Variants in CDC42 observed in about 807,000 individuals in gnomAD.
CDC42 encodes the protein cell division control protein 42 homolog.
In CDC42, 1 loss-of-function variant was observed where a neutral mutation model predicts 20.8. That is an observed-to-expected ratio of 0.05 (90% CI 0.02 to 0.23). The LOEUF is 0.23. Among genes scored for constraint, CDC42 ranks in the 10% least tolerant of loss-of-function variants. The pLI is 1.00. For synonymous variants in CDC42, 72 were observed against 84.8 expected (o/e 0.85, Z 0.83); for missense variants, 49 against 227.9 (o/e 0.21, Z 5.05).
At chr1:22,075,721 A>T (rs1039837336) in intron 1 of CDC42, among the ~76,000 whole-genome samples, 2 of 152,204 alleles carry the variant, frequency 1.3e-5, no homozygotes, top group African/African-American at 4.8e-5. Flanking sequence ...GAAAGGTAGT[A>T]CTGTTTTCAT....
Position 22,096,421 on chromosome 1 carries a change from A to G in CDC42, c.*4904A>G, listed in dbSNP as rs760258650. Among the ~76,000 whole-genome samples the G allele has an allele frequency of 9.9e-5, 15 of 152,184 alleles. No individual in the cohort carries two copies. Among genetic ancestry groups the G allele is most frequent in the Non-Finnish European group, 1.6e-4 (11 of 68,040 alleles). Reference sequence around the variant, plus strand: ...GATAGCTGCTTTCTCTTGAATAACTATGTCATCTCTTTCCACTTTGCATTG... The same window carrying G: ...GATAGCTGCTTTCTCTTGAATAACTGTGTCATCTCTTTCCACTTTGCATTG... On this transcript the variant is annotated 3_prime_UTR_variant, in exon 6 of 6. Coordinates refer to ENST00000656825, the MANE Select transcript of CDC42 (RefSeq NM_001791.4).
chr1:22,101,057 C>G lies in CDC42; in HGVS notation c.*9540C>G, dbSNP rs898773687. Reference sequence around the variant, plus strand: ...GCACCTGTGAATTCTTCACTGGCTTCTTGTAAGAATGACTTTACTGGAGGG... The same window carrying G: ...GCACCTGTGAATTCTTCACTGGCTTGTTGTAAGAATGACTTTACTGGAGGG... On this transcript the variant is annotated 3_prime_UTR_variant, in exon 6 of 6. Coordinates refer to ENST00000656825, the MANE Select transcript of CDC42 (RefSeq NM_001791.4). 5.9e-5 allele frequency: 9 copies of G among 152,324 alleles called. No homozygotes were observed. Among genetic ancestry groups the G allele is most frequent in the African/African-American group, 2.2e-4 (9 of 41,564 alleles). The allele number at this position is 152,324 out of a possible 1,614,324, so 9.4% of individuals were successfully genotyped here.
At chr1:22,057,929 G>A (rs911412521) in intron 1 of CDC42, among the ~76,000 whole-genome samples, 3 of 151,778 alleles carry the variant, frequency 2.0e-5, no homozygotes, top group Non-Finnish European at 4.4e-5. Flanking sequence ...GTTTCACCAT[G>A]TTGGTCAGGC....
At chr1:22,056,615 G>A (rs1451280125) in intron 1 of CDC42, among the ~76,000 whole-genome samples, 1 of 152,048 alleles carries the variant, frequency 6.6e-6, no homozygotes, top group Non-Finnish European at 1.5e-5. Flanking sequence ...TTCATTACTT[G>A]CCATTTCAGC....
At chr1:22,054,721 G>C (rs1024256357) in intron 1 of CDC42, among the ~76,000 whole-genome samples, 3 of 151,616 alleles carry the variant, frequency 2.0e-5, no homozygotes, top group Admixed American at 6.6e-5. Flanking sequence ...CATTGGATAG[G>C]TGTGGAACTT....
rs141153139 is a variant in CDC42 at position 22,097,295 on chromosome 1, C to T, written c.*5778C>T. On this transcript the variant is annotated 3_prime_UTR_variant, in exon 6 of 6. Coordinates refer to ENST00000656825, the MANE Select transcript of CDC42 (RefSeq NM_001791.4). ...TTTTCGAGACCAGATCTTACTCTGT[C>T]GCCCAGGCTGGAGTGCAGTGGCGTG... Among the ~76,000 whole-genome samples the T allele has an allele frequency of 2.4e-4, 36 of 152,292 alleles. No individual in the cohort carries two copies. The East Asian group carries it at 3.1e-3, about 13-fold the overall frequency.
chr1:22,091,325 C>G (rs1483190769), intron 5 of CDC42, 103 bp from the exon 6 acceptor site: 2 of 704,806 alleles, frequency 2.8e-6, no homozygotes, highest in Non-Finnish European at 4.9e-6. Context: ...TTTAATGTTT[C>G]TTTCTTTGCC....
intron 5 of CDC42, chr1:22,090,272 G>C (rs757083581): frequency 2.7e-5 from 32 of 1,190,002 alleles, no homozygotes; most frequent in Non-Finnish European, 3.2e-5. Flanking sequence ...CTGATGCTCA[G>C]AGCTTTTTGG....
intron 5 of CDC42, chr1:22,090,005 A>C: frequency 1.2e-6 from 2 of 1,614,038 alleles, no homozygotes; most frequent in South Asian, 2.2e-5. Context: ...CGGAAACTCA[A>C]CCCAAAAGGA....
intron 1 of CDC42, among the ~76,000 whole-genome samples, chr1:22,070,516 T>C (rs1645475179): frequency 7.3e-6 from 1 of 136,466 alleles, no homozygotes; most frequent in Non-Finnish European, 1.5e-5. Flanking sequence ...CAGGCTGGAG[T>C]GCAGTGGCAT....
chr1:22,091,186 A>G (rs1361704440), intron 5 of CDC42, among the ~76,000 whole-genome samples: 3 of 152,164 alleles, frequency 2.0e-5, no homozygotes, highest in African/African-American at 7.2e-5. Context: ...GGTCTGCGCA[A>G]AGCTTTCTCA....
chr1:22,089,912 G>A (rs1182797958), intron 5 of CDC42: 2 of 1,608,314 alleles, frequency 1.2e-6, no homozygotes, highest in East Asian at 4.5e-5. Context: ...TAACCTGGCT[G>A]CTATTCTCTC....
At chr1:22,053,906 A>G (rs779269176) in intron 1 of CDC42, among the ~76,000 whole-genome samples, 25 of 152,214 alleles carry the variant, frequency 1.6e-4, no homozygotes, top group Non-Finnish European at 3.2e-4. Context: ...CTTGCGTGGC[A>G]TTAACTTTAA....
chr1:22,058,788 C>T lies in CDC42; in HGVS notation c.-51+6046C>T, dbSNP rs182694589. Among the ~76,000 whole-genome samples the T allele has an allele frequency of 5.1e-4, 77 of 151,684 alleles. 2 individuals carry two copies. The highest frequency in any genetic ancestry group is 8.2e-4 in the Non-Finnish European group (56 of 67,902). Reference sequence around the variant, plus strand: ...TGCTGGGATTACAGGCGTGAACCACCGCACCCAGCCGAATTACGTATTTTT... The same window carrying T: ...TGCTGGGATTACAGGCGTGAACCACTGCACCCAGCCGAATTACGTATTTTT... On this transcript the variant is annotated intron_variant, in intron 1 of 5. Coordinates refer to ENST00000656825, the MANE Select transcript of CDC42 (RefSeq NM_001791.4).
chr1:22,070,391 C>T (rs544727124), intron 1 of CDC42, among the ~76,000 whole-genome samples: 1 of 146,752 alleles, frequency 6.8e-6, no homozygotes, highest in Admixed American at 6.8e-5. Context: ...TTACCTTTCT[C>T]AGCATTCCAC....
chr1:22,078,866 T>A, intron 2 of CDC42: 1 of 1,293,064 alleles, frequency 7.7e-7, no homozygotes, highest in Non-Finnish European at 1.0e-6. Flanking sequence ...AAGTATGCCC[T>A]ACATCTTGGA....
intron 3 of CDC42, among the ~76,000 whole-genome samples, chr1:22,085,397 C>T (rs10917144): frequency 0.022 from 3,337 of 152,082 alleles, 121 homozygotes; most frequent in African/African-American, 0.074. Flanking sequence ...GGGAGTGCTT[C>T]AGCTTTATTC....
intron 1 of CDC42, among the ~76,000 whole-genome samples, chr1:22,074,777 T>C (rs1570005506): frequency 6.6e-6 from 1 of 152,106 alleles, no homozygotes; most frequent in African/African-American, 2.4e-5. Flanking sequence ...TTTATTGTGA[T>C]TTTAGAGTTG....
chr1:22,059,608 G>A (rs1053006139), intron 1 of CDC42: 1 of 151,566 alleles, frequency 6.6e-6, no homozygotes, highest in Non-Finnish European at 1.5e-5. Flanking sequence ...GCAGTGGTAC[G>A]ATCTTGGCTC....
Sources: allele counts gnomAD v4.1 joint callset (sites outside exome capture counted in the v4.1 genomes callset), GRCh38; gene constraint gnomAD v4.1.1; transcripts MANE v1.5; gene names NCBI Gene and HGNC (gene_info 2026-07-23, HGNC 2026-07-21).